The following SHANK2 variants were observed in gnomAD, a reference collection of about 807,000 sequenced individuals.
The protein encoded by SHANK2 is SH3 and multiple ankyrin repeat domains 2, also known as SH3 and multiple ankyrin repeat domains protein 2.
SHANK2 carries 43 observed loss-of-function variants against 133.7 expected under a neutral mutation model. That is an observed-to-expected ratio of 0.32 (90% CI 0.25 to 0.41). The LOEUF is 0.41. Among genes scored for constraint, SHANK2 ranks in the 10% least tolerant of loss-of-function variants. The probability of loss-of-function intolerance (pLI) is 1.00; values close to 1 mark genes in which losing one functional copy is unlikely to be tolerated. For missense variants in SHANK2, 1,994 were observed against 2,235.8 expected (o/e 0.89, Z 2.18); for synonymous variants, 1,017 against 952.8 (o/e 1.07, Z -1.24).
chr11:71,242,827 C>T (rs1161899992), intron 1 of SHANK2, among the ~76,000 whole-genome samples: 1 of 152,272 alleles, frequency 6.6e-6, no homozygotes, highest in African/African-American at 2.4e-5. Flanking sequence ...GCCTCATGCC[C>T]GGCTATAAAA....
intron 17 of SHANK2, among the ~76,000 whole-genome samples, chr11:70,622,425 C>A (rs1199130996): frequency 2.0e-5 from 3 of 152,110 alleles, no homozygotes; most frequent in South Asian, 2.1e-4. Flanking sequence ...ACCCTCTGTG[C>A]GAGTGTCCTG....
At chr11:70,476,783 G>A (rs1364294751) in intron 25 of SHANK2, among the ~76,000 whole-genome samples, 1 of 152,228 alleles carries the variant, frequency 6.6e-6, no homozygotes, top group Non-Finnish European at 1.5e-5. Context: ...TGGTGACTGT[G>A]CCTGCAGCCC....
intron 14 of SHANK2, among the ~76,000 whole-genome samples, chr11:70,699,805 A>G (rs1328885823): frequency 1.3e-5 from 2 of 152,196 alleles, no homozygotes; most frequent in Non-Finnish European, 2.9e-5. Context: ...TGAGGGCAGG[A>G]AAGGAGGCAG....
chr11:70,513,703 A>G (rs782788640), intron 17 of SHANK2, among the ~76,000 whole-genome samples: 49 of 152,366 alleles, frequency 3.2e-4, no homozygotes, highest in Admixed American at 1.0e-3. Flanking sequence ...GAAATTTTAA[A>G]AAGAATTATA....
At chr11:70,942,399 C>A (rs1432237406) in intron 10 of SHANK2, among the ~76,000 whole-genome samples, 2 of 152,112 alleles carry the variant, frequency 1.3e-5, no homozygotes, top group Non-Finnish European at 2.9e-5. Flanking sequence ...TGGGAACAAA[C>A]CCATTCCCAT....
chr11:70,724,970 C>A (rs1462058939), intron 14 of SHANK2, among the ~76,000 whole-genome samples: 1 of 152,282 alleles, frequency 6.6e-6, no homozygotes, highest in East Asian at 1.9e-4. Context: ...CAGTCCCAAC[C>A]AAATGTCGGT....
intron 14 of SHANK2, among the ~76,000 whole-genome samples, chr11:70,729,207 A>T (rs375355007): frequency 7.8e-4 from 107 of 137,952 alleles, no homozygotes; most frequent in African/African-American, 5.7e-4. Context: ...AAAAAAAATT[A>T]AAAAAAAAAA....
At chr11:71,140,353 A>T (rs1475304150) in intron 3 of SHANK2, among the ~76,000 whole-genome samples, 1 of 152,242 alleles carries the variant, frequency 6.6e-6, no homozygotes, top group East Asian at 1.9e-4. Flanking sequence ...GGCTCCATCC[A>T]TCACTCCAAC....
intron 2 of SHANK2, among the ~76,000 whole-genome samples, chr11:71,184,580 GC>G (rs1455972624): frequency 6.6e-6 from 1 of 152,162 alleles, no homozygotes; most frequent in Non-Finnish European, 1.5e-5. Context: ...ATGCCACTTA[GC>G]GGGCAGGACT....
intron 6 of SHANK2, among the ~76,000 whole-genome samples, chr11:71,097,770 G>A: frequency 6.6e-6 from 1 of 152,232 alleles, no homozygotes; most frequent in Admixed American, 6.5e-5. Context: ...GCAGGAGGCA[G>A]GAGGAGTGTA....
chr11:70,602,623 C>G (rs2060515768), intron 17 of SHANK2, among the ~76,000 whole-genome samples: 1 of 152,204 alleles, frequency 6.6e-6, no homozygotes, highest in South Asian at 2.1e-4. Context: ...GGTAATTATA[C>G]TGGTGGCAAC....
intron 11 of SHANK2, among the ~76,000 whole-genome samples, chr11:70,868,384 A>G (rs1338184957): frequency 1.3e-5 from 2 of 152,208 alleles, no homozygotes; most frequent in Non-Finnish European, 2.9e-5. Context: ...CTCCATGTGT[A>G]AAATGGAAAT....
intron 10 of SHANK2, among the ~76,000 whole-genome samples, chr11:70,954,062 C>T (rs1480757388): frequency 1.3e-5 from 2 of 152,242 alleles, no homozygotes; most frequent in Non-Finnish European, 2.9e-5. Context: ...AGCAGCACAA[C>T]AGGGACATCC....
At chr11:70,764,816 C>A (rs1421831392) in intron 14 of SHANK2, among the ~76,000 whole-genome samples, 1 of 130,770 alleles carries the variant, frequency 7.6e-6, no homozygotes, top group Non-Finnish European at 1.7e-5. Context: ...TTTATCCCTG[C>A]CTCCTCTCTT....
In SHANK2 at chr11:71,143,417, C is replaced by A. The variant is rs1263808108; in HGVS notation, c.207+3703G>T. 2.0e-5 allele frequency among the ~76,000 whole-genome samples: 3 copies of A among 152,172 alleles called. No individual in the cohort carries two copies. In the East Asian group the frequency reaches 5.8e-4, roughly 29 times the overall value. On this transcript the variant is annotated intron_variant, in intron 3 of 25. Transcript: ENST00000601538. ...AATCCATGCTTTTCGCACAAAACAG[C>A]CAAAGGTTTCAGCCTGCCCGATGCG...
chr11:70,857,325 C>T (rs1949187610), intron 11 of SHANK2, among the ~76,000 whole-genome samples: 2 of 152,140 alleles, frequency 1.3e-5, no homozygotes, highest in African/African-American at 4.8e-5. Flanking sequence ...GGACTTAGCA[C>T]CCAGTAAATA....
At chr11:71,146,628 C>A (rs571879170) in intron 3 of SHANK2, among the ~76,000 whole-genome samples, 3 of 152,152 alleles carry the variant, frequency 2.0e-5, no homozygotes, top group African/African-American at 7.2e-5. Flanking sequence ...AGCAGCCACG[C>A]GGGAAGGAGT....
At position 70,833,212 on chromosome 11, in the gene SHANK2, G is replaced by A. The variant is rs145701847; in HGVS notation, c.1175-12530C>T. Among the ~76,000 whole-genome samples the A allele has an allele frequency of 1.4e-3, 206 of 152,378 alleles. 5 individuals are homozygous for A. The South Asian group carries it at 0.039, about 29-fold the overall frequency. On this transcript the variant is annotated intron_variant, in intron 11 of 25. Coordinates refer to ENST00000601538, the MANE Select transcript of SHANK2 (RefSeq NM_012309.5). ...AGCACAATGTCAAGCTCCTGCCAGC[G>A]CCTCTGACTGTGCACAGCACCAGGT...
intron 18 of SHANK2, 55 bp downstream of exon 18, chr11:70,502,741 A>ACCCC (rs1555159047): frequency 4.7e-5 from 18 of 386,388 alleles, no homozygotes; most frequent in African/African-American, 1.0e-4. Context: ...GCCCGCCCCC[A>ACCCC]CCCCCCCCCC....
Sources: allele counts gnomAD v4.1 joint callset (sites outside exome capture counted in the v4.1 genomes callset), GRCh38; gene constraint gnomAD v4.1.1; transcripts MANE v1.5; gene names NCBI Gene and HGNC (gene_info 2026-07-23, HGNC 2026-07-21).